METAP1: variants seen among roughly 807,000 people sequenced by gnomAD.
METAP1 encodes the protein methionine aminopeptidase 1.
In METAP1, 28 loss-of-function variants were observed where a neutral mutation model predicts 53.8. The observed-to-expected ratio is 0.52, with a 90% CI of 0.39 to 0.71. METAP1 has a LOEUF of 0.71. Ranked by LOEUF, METAP1 falls within the 30% of genes least tolerant of loss-of-function variation. The pLI, the probability that METAP1 is intolerant of heterozygous loss-of-function variation, is 0.00. For synonymous variants in METAP1, 181 were observed against 165.7 expected (o/e 1.09, Z -0.71); for missense variants, 389 against 479.8 (o/e 0.81, Z 1.77).
At chr4:99,038,171 A>G (rs1725569892) in intron 4 of METAP1, among the ~76,000 whole-genome samples, 1 of 152,030 alleles carries the variant, frequency 6.6e-6, no homozygotes, top group African/African-American at 2.4e-5. Context: ...ATTTGTATTT[A>G]TGGTCATTTA....
intron 5 of METAP1, among the ~76,000 whole-genome samples, chr4:99,040,835 A>C (rs1465643880): frequency 6.6e-6 from 1 of 151,074 alleles, no homozygotes; most frequent in African/African-American, 2.4e-5. Flanking sequence ...AGCCAACCTT[A>C]CTGCTGCTTG....
At chr4:99,005,510 G>A (rs1723132987) in intron 1 of METAP1, among the ~76,000 whole-genome samples, 1 of 152,124 alleles carries the variant, frequency 6.6e-6, no homozygotes, top group Non-Finnish European at 1.5e-5. Context: ...TGATGAAAAG[G>A]GAATACTTAA....
rs925819511 is a variant in METAP1 at position 99,023,002 on chromosome 4, A to G, written c.115-5865A>G. 11 of 1,464,236 alleles carry G rather than the reference A, an allele frequency of 7.5e-6. No individual in the cohort carries two copies. The East Asian group carries it at 8.2e-5, about 11-fold the overall frequency. The allele number at this position is 1,464,236 out of a possible 1,614,324, so 90.7% of individuals were successfully genotyped here. On this transcript the variant is annotated intron_variant, in intron 1 of 10. Transcript: ENST00000296411. ...ATGGCCCAGGTACACAATACCTGGC[A>G]CTACCCGCTTCTTGCTGCCACAGGC... is the stretch of plus-strand genomic sequence containing the variant.
intron 1 of METAP1, among the ~76,000 whole-genome samples, chr4:99,016,322 G>A (rs961337967): frequency 6.6e-6 from 1 of 152,144 alleles, no homozygotes; most frequent in Admixed American, 6.5e-5. Context: ...TCTGAATAAA[G>A]CAATAGGGAG....
At chr4:99,022,620 G>A (rs764375529) in intron 1 of METAP1, 10 of 753,842 alleles carry the variant, frequency 1.3e-5, no homozygotes, top group Non-Finnish European at 2.1e-5. Flanking sequence ...CCACTCTCAG[G>A]TGCTGCCTGT....
chr4:99,049,209 G>T (rs1258589141), intron 9 of METAP1, among the ~76,000 whole-genome samples: 1 of 152,086 alleles, frequency 6.6e-6, no homozygotes, highest in Non-Finnish European at 1.5e-5. Context: ...AAGCTTGAAG[G>T]GGTATACCTG....
At chr4:99,051,774 G>GT (rs1369280982) in intron 9 of METAP1, among the ~76,000 whole-genome samples, 10 of 151,246 alleles carry the variant, frequency 6.6e-5, no homozygotes, top group East Asian at 1.9e-4. Flanking sequence ...AACTATTGAG[G>GT]GTTTTTTTTT....
rs886312622 is a variant in METAP1 at position 99,057,631 on chromosome 4, A to C, written c.932-122A>C. On this transcript the variant is annotated intron_variant, in intron 9 of 10. Coordinates refer to ENST00000296411, the MANE Select transcript of METAP1 (RefSeq NM_015143.3). The stretch of plus-strand genomic sequence containing the variant: ...CTGTTTGTTGAACTTTAAGAAAGGG[A>C]ATCAGGGTAATTAATTTAACAATCA... 8.1e-5 allele frequency: 57 copies of C among 706,058 alleles called. No homozygotes were observed. In the Middle Eastern group the frequency reaches 2.1e-3, roughly 26 times the overall value. The allele number at this position is 706,058 out of a possible 1,614,324, so 43.7% of individuals were successfully genotyped here. A position where few individuals can be genotyped will look rare whatever the true frequency, so the allele number is the denominator to read the frequency against.
At chr4:99,032,023 A>G (rs144183110) in intron 2 of METAP1, among the ~76,000 whole-genome samples, 1 of 152,290 alleles carries the variant, frequency 6.6e-6, no homozygotes, top group African/African-American at 2.4e-5. Context: ...AGATTTGTTA[A>G]TGGTCTGTTA....
At chr4:99,045,869 A>C (rs1031462450) in intron 8 of METAP1, among the ~76,000 whole-genome samples, 7 of 152,252 alleles carry the variant, frequency 4.6e-5, no homozygotes, top group African/African-American at 1.7e-4. Context: ...ACTATCATAG[A>C]GATCTTTTCA....
intron 1 of METAP1, among the ~76,000 whole-genome samples, chr4:99,010,113 C>G (rs1161970520): frequency 6.6e-6 from 1 of 152,142 alleles, no homozygotes; most frequent in African/African-American, 2.4e-5. Flanking sequence ...GTTTTCCCAA[C>G]AGTGTTTATT....
At chr4:99,001,545 C>G (rs1722927379) in intron 1 of METAP1, among the ~76,000 whole-genome samples, 1 of 152,138 alleles carries the variant, frequency 6.6e-6, no homozygotes, top group Non-Finnish European at 1.5e-5. Context: ...AGAGAATTTT[C>G]TCATCCTTAA....
intron 1 of METAP1, among the ~76,000 whole-genome samples, chr4:99,005,335 T>C (rs549829363): frequency 5.1e-4 from 78 of 152,076 alleles, no homozygotes; most frequent in Non-Finnish European, 8.7e-4. Context: ...ATGACCTAAA[T>C]AGAATTTTCT....
chr4:99,019,620 A>T (rs1478821825), intron 1 of METAP1, among the ~76,000 whole-genome samples: 1 of 152,042 alleles, frequency 6.6e-6, no homozygotes, highest in Non-Finnish European at 1.5e-5. Context: ...ACTGGTCAAA[A>T]TCTCATCCCA....
intron 4 of METAP1, 47 bp downstream of exon 4, chr4:99,035,507 A>T: frequency 1.5e-6 from 2 of 1,356,698 alleles, no homozygotes; most frequent in South Asian, 1.3e-5. Flanking sequence ...TGTGGGCTTG[A>T]TGACTACTGC....
At chr4:99,021,437 A>G (rs1398416643) in intron 1 of METAP1, among the ~76,000 whole-genome samples, 2 of 152,122 alleles carry the variant, frequency 1.3e-5, no homozygotes, top group Non-Finnish European at 2.9e-5. Flanking sequence ...GCAGCAGGGC[A>G]GCTGGGTGCC....
At chr4:99,034,363 A>C (rs1442934283) in intron 3 of METAP1, 21 bp downstream of exon 3, 1 of 1,339,610 alleles carries the variant, frequency 7.5e-7, no homozygotes, top group Non-Finnish European at 1.0e-6. Context: ...AAGGTAATAA[A>C]AACAACATTC....
chr4:99,034,271 G>C lies in METAP1; in HGVS notation c.208G>C (p.Glu70Gln). Reference protein sequence around the residue: ...AKREVSSWTVEGDINTDPWAG... With the variant: ...AKREVSSWTVQGDINTDPWAG... ...GCGAGAAGTGTCTTCCTGGACTGTG[G>C]AAGGTGATATTAATACTGACCCATG... is the stretch of plus-strand genomic sequence containing the variant. The change falls in exon 3 of 11, where the codon GAA becomes CAA. Residue 70 changes from glutamate (E) to glutamine (Q), a missense_variant. Glu to Gln is a conservative substitution (Grantham distance 29, BLOSUM62 2). Coordinates refer to ENST00000296411, the MANE Select transcript of METAP1 (RefSeq NM_015143.3). 1 of 1,550,828 alleles carries C rather than the reference G, an allele frequency of 6.4e-7. No individual in the cohort carries two copies. The highest frequency in any genetic ancestry group is 1.2e-5 in the South Asian group (1 of 84,020).
At chr4:99,045,592 C>A (rs1266678951) in intron 8 of METAP1, among the ~76,000 whole-genome samples, 1 of 152,074 alleles carries the variant, frequency 6.6e-6, no homozygotes, top group Non-Finnish European at 1.5e-5. Context: ...TTTAGTGCAA[C>A]TTTTATTCTA....
Sources: gnomAD v4.1 joint callset for allele counts (sites outside exome capture counted in the v4.1 genomes callset) on GRCh38, gnomAD v4.1.1 for gene constraint, MANE v1.5 for transcripts, NCBI Gene and HGNC (gene_info 2026-07-23, HGNC 2026-07-21) for gene names.